Variants in KCNC2 observed in about 807,000 individuals in gnomAD.
KCNC2 encodes potassium voltage-gated channel subfamily C member 2.
KCNC2 carries 21 observed loss-of-function variants against 44.5 expected under a neutral mutation model. The observed-to-expected ratio is 0.47, with a 90% CI of 0.33 to 0.68. KCNC2 has a LOEUF of 0.68. Among genes scored for constraint, KCNC2 ranks in the 30% least tolerant of loss-of-function variants. The pLI, the probability that KCNC2 is intolerant of heterozygous loss-of-function variation, is 0.01. For synonymous variants in KCNC2, 391 were observed against 339.1 expected (o/e 1.15, Z -1.68); for missense variants, 589 against 826.2 (o/e 0.71, Z 3.52).
chr12:75,176,892 A>G (rs758275690), intron 2 of KCNC2, among the ~76,000 whole-genome samples: 5 of 151,818 alleles, frequency 3.3e-5, no homozygotes, highest in Non-Finnish European at 7.4e-5. Context: ...TATCATCAAC[A>G]TTTCAATAGC....
intron 1 of KCNC2, 108 bp from the exon 2 acceptor site, chr12:75,208,110 C>G: frequency 2.2e-6 from 3 of 1,343,264 alleles, no homozygotes; most frequent in Non-Finnish European, 3.1e-6. Context: ...AGTTGGCAGA[C>G]AGGCACGGGG....
chr12:75,119,949 A>T (rs1031806354), intron 2 of KCNC2, among the ~76,000 whole-genome samples: 1 of 152,222 alleles, frequency 6.6e-6, no homozygotes, highest in Admixed American at 6.5e-5. Context: ...TCTTTAGAAT[A>T]CAACTATAAA....
chr12:75,050,459 C>A lies in KCNC2; in HGVS notation c.1546G>T (p.Ala516Ser), dbSNP rs763831110. Residue 516 changes from alanine to serine, a missense_variant, in exon 3 of 5, where the codon GCC (alanine) becomes TCC (serine). Physicochemically the swap from Ala to Ser is moderately conservative, Grantham distance 99. This residue lies in a region of KCNC2 where 171 missense variants were observed against 182.4 expected (regional missense o/e 0.94). Coordinates refer to ENST00000549446, the MANE Select transcript of KCNC2 (RefSeq NM_139137.4). ...PTFCKTELNM[A>S]CNSTQSDTCL... ...GTGTCACTCTGTGTACTATTGCAGG[C>A]CATATTTAATTCTGTCTTGCAAAAA... 1.2e-6 allele frequency: 2 copies of A among 1,613,396 alleles called. No homozygotes were observed. The highest frequency in any genetic ancestry group is 1.7e-6 in the Non-Finnish European group (2 of 1,179,572).
At chr12:75,166,875 T>C (rs1399029997) in intron 2 of KCNC2, among the ~76,000 whole-genome samples, 2 of 151,078 alleles carry the variant, frequency 1.3e-5, no homozygotes, top group Non-Finnish European at 3.0e-5. Flanking sequence ...ATAAATAACT[T>C]TCCACCCTAA....
chr12:75,153,477 G>A (rs1391812622), intron 2 of KCNC2, among the ~76,000 whole-genome samples: 1 of 151,728 alleles, frequency 6.6e-6, no homozygotes, highest in African/African-American at 2.4e-5. Context: ...GGGTGGGAGG[G>A]TGAGAAGGGG....
At chr12:75,058,844 C>A (rs1409741826) in intron 2 of KCNC2, among the ~76,000 whole-genome samples, 5 of 152,052 alleles carry the variant, frequency 3.3e-5, no homozygotes, top group African/African-American at 1.2e-4. Context: ...GAGCTAGACC[C>A]ACCTGTAGCT....
intron 2 of KCNC2, among the ~76,000 whole-genome samples, chr12:75,154,106 A>G (rs1890599062): frequency 6.6e-6 from 1 of 152,106 alleles, no homozygotes; most frequent in African/African-American, 2.4e-5. Flanking sequence ...TTTTACTATC[A>G]GGACTCTAAA....
At chr12:75,141,113 T>C (rs1162785027) in intron 2 of KCNC2, among the ~76,000 whole-genome samples, 6 of 152,196 alleles carry the variant, frequency 3.9e-5, no homozygotes, top group Non-Finnish European at 7.3e-5. Context: ...CACCATACAC[T>C]TGAAGGCTGT....
intron 2 of KCNC2, among the ~76,000 whole-genome samples, chr12:75,197,625 T>C (rs2030887891): frequency 6.6e-6 from 1 of 152,048 alleles, no homozygotes; most frequent in African/African-American, 2.4e-5. Flanking sequence ...CATAACCTAG[T>C]TCTGGCCAAC....
chr12:75,183,795 T>C (rs895907550), intron 2 of KCNC2, among the ~76,000 whole-genome samples: 6 of 152,226 alleles, frequency 3.9e-5, no homozygotes, highest in African/African-American at 1.4e-4. Context: ...AGAATGTTCA[T>C]GTCTTAGAAT....
chr12:75,176,196 T>C (rs1403051008), intron 2 of KCNC2, among the ~76,000 whole-genome samples: 1 of 152,082 alleles, frequency 6.6e-6, no homozygotes, highest in Non-Finnish European at 1.5e-5. Flanking sequence ...CTATTTCCTA[T>C]GGTTCCATCC....
chr12:75,156,683 C>T (rs1269189182), intron 2 of KCNC2, among the ~76,000 whole-genome samples: 1 of 151,792 alleles, frequency 6.6e-6, no homozygotes, highest in Non-Finnish European at 1.5e-5. Context: ...AAGCACTTAA[C>T]CTAGTGTCTT....
chr12:75,186,043 T>C (rs1892918068), intron 2 of KCNC2, among the ~76,000 whole-genome samples: 1 of 124,550 alleles, frequency 8.0e-6, no homozygotes, highest in African/African-American at 3.3e-5. Flanking sequence ...TGAAACTCTG[T>C]CTCAAAAATA....
intron 2 of KCNC2, among the ~76,000 whole-genome samples, chr12:75,203,439 C>T (rs535671218): frequency 5.1e-4 from 78 of 151,798 alleles, no homozygotes; most frequent in African/African-American, 1.8e-3. Context: ...ATGATAGATT[C>T]GCTATCACAA....
intron 2 of KCNC2, among the ~76,000 whole-genome samples, chr12:75,103,284 G>A (rs557215774): frequency 7.9e-5 from 12 of 152,298 alleles, no homozygotes; most frequent in African/African-American, 2.9e-4. Context: ...TTCTTTAGGG[G>A]GTTTACCCCC....
chr12:75,049,140 A>G (rs1187721743), intron 3 of KCNC2, among the ~76,000 whole-genome samples: 1 of 152,178 alleles, frequency 6.6e-6, no homozygotes, highest in Non-Finnish European at 1.5e-5. Context: ...AAGAATTTGC[A>G]TAGCAATCTA....
At chr12:75,073,512 T>A (rs115975318) in intron 2 of KCNC2, among the ~76,000 whole-genome samples, 3,086 of 152,258 alleles carry the variant, frequency 0.02, 97 homozygotes, top group African/African-American at 0.065. Flanking sequence ...AAAAACTTCT[T>A]CTATACAGTT....
intron 2 of KCNC2, among the ~76,000 whole-genome samples, chr12:75,194,478 A>G (rs1381194185): frequency 6.6e-6 from 1 of 152,168 alleles, no homozygotes; most frequent in Non-Finnish European, 1.5e-5. Flanking sequence ...CCAAAACTGT[A>G]AGACGATAGG....
In KCNC2 at chr12:75,207,355, C is replaced by T. The variant is rs1243898977; in HGVS notation, c.629G>A (p.Arg210Lys). 3 of 1,577,434 alleles carry T rather than the reference C, an allele frequency of 1.9e-6. No individual in the cohort carries two copies. Among genetic ancestry groups the T allele is most frequent in the Non-Finnish European group, 2.6e-6 (3 of 1,162,788 alleles). ...GAGGGCCCACATGCGGGGCTGCAGC[C>T]TCCTCCAGCGGCCAGATTTGCCGTC... ...GPDGKSGRWR[R>K]LQPRMWALFE... The change falls in exon 2 of 5, where the codon AGG becomes AAG. Residue 210 changes from arginine (R) to lysine (K), a missense_variant. Arg to Lys is a conservative substitution (Grantham distance 26, BLOSUM62 2). Around this residue, in one of 7 missense-constraint regions of KCNC2, gnomAD observed 97 missense variants for 73.3 expected, o/e 1.32. Transcript: ENST00000549446. This position sits in a 1 kb window ranked among gnomAD's most constrained non-coding sequence, Gnocchi z 4.1.
Sources: allele counts gnomAD v4.1 joint callset (sites outside exome capture counted in the v4.1 genomes callset), GRCh38; gene constraint gnomAD v4.1.1; regional missense constraint gnomAD v4.1.1; non-coding constraint Gnocchi (gnomAD v3.1); transcripts MANE v1.5; gene names NCBI Gene and HGNC (gene_info 2026-07-23, HGNC 2026-07-21).